Variants in TRHDE observed in about 807,000 individuals in gnomAD.
TRHDE encodes the protein thyrotropin-releasing hormone-degrading ectoenzyme.
A neutral mutation model predicts 125.7 loss-of-function variants in TRHDE; 72 were observed. The ratio of observed to expected loss-of-function variants is 0.57; its 90% CI spans 0.47 to 0.70. TRHDE has a LOEUF of 0.70. Ranked by LOEUF, TRHDE falls within the 30% of genes least tolerant of loss-of-function variation. The pLI is 0.00. For synonymous variants in TRHDE, 509 were observed against 509.1 expected (o/e 1.00, Z 0.00); for missense variants, 1,110 against 1,327.1 (o/e 0.84, Z 2.54).
At chr12:72,621,048 T>C in intron 13 of TRHDE, 60 bp from the exon 14 acceptor site, 1 of 779,722 alleles carries the variant, frequency 1.3e-6, no homozygotes, top group Non-Finnish European at 2.1e-6. Flanking sequence ...AGAATTTTAA[T>C]TGTCAGCATA....
chr12:72,360,615 G>C (rs1233365138), intron 2 of TRHDE, among the ~76,000 whole-genome samples: 1 of 151,752 alleles, frequency 6.6e-6, no homozygotes, highest in East Asian at 1.9e-4. Context: ...AGCAGGGCTT[G>C]TACTGGTAAG....
intron 3 of TRHDE, among the ~76,000 whole-genome samples, chr12:72,466,427 T>G (rs1490172048): frequency 6.6e-6 from 1 of 152,198 alleles, no homozygotes; most frequent in Non-Finnish European, 1.5e-5. Context: ...GCTTGTTCCT[T>G]AGTCACATGT....
chr12:72,294,511 G>A (rs1167176216), intron 2 of TRHDE, among the ~76,000 whole-genome samples: 3 of 152,268 alleles, frequency 2.0e-5, no homozygotes, highest in East Asian at 3.9e-4. Flanking sequence ...AGGACCTAGA[G>A]TGTGTTGCTC....
intron 2 of TRHDE, among the ~76,000 whole-genome samples, chr12:72,239,737 C>A (rs115798768): frequency 3.3e-5 from 5 of 152,030 alleles, no homozygotes; most frequent in African/African-American, 1.2e-4. Flanking sequence ...TCAATAGACA[C>A]GAGATGTCTA....
At chr12:72,196,100 C>A (rs1877437055) in intron 2 of TRHDE, among the ~76,000 whole-genome samples, 1 of 152,080 alleles carries the variant, frequency 6.6e-6, no homozygotes, top group East Asian at 1.9e-4. Flanking sequence ...GTTTCTGTAC[C>A]AGTACCATGT....
intron 2 of TRHDE, among the ~76,000 whole-genome samples, chr12:72,144,924 C>G (rs1228815142): frequency 6.6e-6 from 1 of 152,146 alleles, no homozygotes; most frequent in African/African-American, 2.4e-5. Flanking sequence ...GCCTTTCATG[C>G]CTGTAGCAGA....
chr12:72,464,497 T>G (rs1312597014), intron 3 of TRHDE, among the ~76,000 whole-genome samples: 1 of 152,138 alleles, frequency 6.6e-6, no homozygotes, highest in Non-Finnish European at 1.5e-5. Context: ...AGAGATTACA[T>G]TTCAACATGA....
chr12:72,442,680 C>G (rs1875072720), intron 3 of TRHDE, among the ~76,000 whole-genome samples: 1 of 151,760 alleles, frequency 6.6e-6, no homozygotes, highest in African/African-American at 2.4e-5. Flanking sequence ...CATTCGGCTT[C>G]CCTGCTCCTA....
At chr12:72,458,313 A>T (rs949714954) in intron 3 of TRHDE, among the ~76,000 whole-genome samples, 6 of 151,438 alleles carry the variant, frequency 4.0e-5, no homozygotes, top group African/African-American at 1.5e-4. Context: ...GACACTGTCA[A>T]CTCTTCCCTC....
At chr12:72,454,541 G>T (rs897378384) in intron 3 of TRHDE, among the ~76,000 whole-genome samples, 4 of 152,004 alleles carry the variant, frequency 2.6e-5, no homozygotes, top group Admixed American at 6.6e-5. Flanking sequence ...TACTGAAAAA[G>T]CTTAATCTAT....
intron 2 of TRHDE, among the ~76,000 whole-genome samples, chr12:72,322,814 G>T (rs757934977): frequency 1.8e-4 from 28 of 152,076 alleles, no homozygotes; most frequent in Non-Finnish European, 1.5e-4. Flanking sequence ...CTGTAAATGC[G>T]TTTTTAGGAC....
intron 15 of TRHDE, among the ~76,000 whole-genome samples, chr12:72,634,057 C>A (rs1353931002): frequency 6.6e-6 from 1 of 152,092 alleles, no homozygotes; most frequent in African/African-American, 2.4e-5. Flanking sequence ...AAGCCCCTGC[C>A]AAACCCTTTA....
chr12:72,121,983 A>G (rs578172724), intron 2 of TRHDE, among the ~76,000 whole-genome samples: 4 of 151,288 alleles, frequency 2.6e-5, no homozygotes, highest in African/African-American at 4.9e-5. Flanking sequence ...CTCTGTCTCT[A>G]CCCTCCTTCA....
chr12:72,222,554 A>T (rs745934837), intron 2 of TRHDE, among the ~76,000 whole-genome samples: 3 of 152,072 alleles, frequency 2.0e-5, no homozygotes, highest in Admixed American at 6.6e-5. Context: ...GAGGATGAGA[A>T]TTTGCATTTC....
intron 2 of TRHDE, among the ~76,000 whole-genome samples, chr12:72,180,415 A>G (rs1877073397): frequency 6.6e-6 from 1 of 152,142 alleles, no homozygotes. Context: ...ATTTTTCAGG[A>G]CAACAATTTG....
intron 3 of TRHDE, among the ~76,000 whole-genome samples, chr12:72,379,255 A>G (rs17111106): frequency 0.062 from 9,443 of 152,310 alleles, 611 homozygotes; most frequent in African/African-American, 0.15. Flanking sequence ...AATGGGTGTG[A>G]CATACAATTT....
chr12:72,360,609 G>A (rs909595820), intron 2 of TRHDE, among the ~76,000 whole-genome samples: 4 of 151,706 alleles, frequency 2.6e-5, no homozygotes, highest in Non-Finnish European at 5.9e-5. Flanking sequence ...TGGGGAAGCA[G>A]GGCTTGTACT....
intron 6 of TRHDE, among the ~76,000 whole-genome samples, chr12:72,512,272 C>A (rs1878609945): frequency 6.6e-6 from 1 of 150,878 alleles, no homozygotes; most frequent in Non-Finnish European, 1.5e-5. Context: ...TCTGCTTATG[C>A]AAAAAGCTTA....
chr12:72,530,361 C>A (rs1868480619), intron 6 of TRHDE, among the ~76,000 whole-genome samples: 1 of 140,598 alleles, frequency 7.1e-6, no homozygotes, highest in African/African-American at 2.7e-5. Context: ...CTTAAGCACA[C>A]TTTGTAATGA....
Sources: allele counts gnomAD v4.1 joint callset (sites outside exome capture counted in the v4.1 genomes callset), GRCh38; gene constraint gnomAD v4.1.1; transcripts MANE v1.5; gene names NCBI Gene and HGNC (gene_info 2026-07-23, HGNC 2026-07-21).